The following WFS1 variants were observed in gnomAD, a reference collection of about 807,000 sequenced individuals.
The protein encoded by WFS1 is wolframin.
WFS1 carries 90 observed loss-of-function variants against 68.5 expected under a neutral mutation model. The observed-to-expected ratio is 1.31, with a 90% CI of 1.11 to 1.56. WFS1 has a LOEUF of 1.56. Ranked by LOEUF, WFS1 falls within the 40% of genes most tolerant of loss-of-function variation. The pLI, the probability that WFS1 is intolerant of heterozygous loss-of-function variation, is 0.00. For synonymous variants in WFS1, 860 were observed against 540.7 expected, an observed-to-expected ratio of 1.59 and a Z score of -8.19; for missense variants, 1,767 against 1,232.6, an observed-to-expected ratio of 1.43 and a Z score of -6.49.
chr4:6,293,223 AG>A (rs1012508828), intron 6 of WFS1, among the ~76,000 whole-genome samples: 1 of 152,138 alleles, frequency 6.6e-6, no homozygotes, highest in African/African-American at 2.4e-5. Context: ...CCAGTCCCAC[AG>A]GGGTTTGTGA....
intron 3 of WFS1, 45 bp from the exon 4 acceptor site, chr4:6,288,942 G>A: frequency 6.3e-7 from 1 of 1,596,364 alleles, no homozygotes; most frequent in Non-Finnish European, 8.5e-7. Flanking sequence ...CATGGGGTGG[G>A]AGAGGGTCGG....
Position 6,300,740 on chromosome 4 carries a change from G to A in WFS1, c.945G>A (p.Leu315=), listed in dbSNP as rs1439220003. Residue 315 remains leucine, a synonymous_variant, in exon 8 of 8, where the codon CTG becomes CTA. Coordinates refer to ENST00000226760, the MANE Select transcript of WFS1 (RefSeq NM_006005.3). The part of the protein sequence containing the change: ...DMASRAGMHW[L]STIIPTHHIN... Reference sequence around the variant, plus strand: ...CCTCCAGGGCAGGCATGCACTGGCTGTCCACCATCATCCCCACGCACCACA... The same window carrying A: ...CCTCCAGGGCAGGCATGCACTGGCTATCCACCATCATCCCCACGCACCACA... 2 of 1,614,088 alleles carry A rather than the reference G, an allele frequency of 1.2e-6. No individual in the cohort carries two copies. The highest frequency in any genetic ancestry group is 1.1e-5 in the South Asian group (1 of 91,078).
At chr4:6,288,879 C>T in intron 3 of WFS1, 108 bp from the exon 4 acceptor site, 1 of 1,517,350 alleles carries the variant, frequency 6.6e-7, no homozygotes, top group South Asian at 1.2e-5. Flanking sequence ...CCCCTTCCTT[C>T]CTGGCCTGGG....
chr4:6,295,491 G>A lies in WFS1; in HGVS notation c.861+302G>A, dbSNP rs115126832. The stretch of plus-strand genomic sequence containing the variant: ...TGTGCAGTGTAGGGGGCAGTGGGGC[G>A]GGCTGGACGCAGACTTTCATCTAGA... On this transcript the variant is annotated intron_variant, in intron 7 of 7. Coordinates refer to ENST00000226760, the MANE Select transcript of WFS1 (RefSeq NM_006005.3). 2.4e-3 allele frequency among the ~76,000 whole-genome samples: 367 copies of A among 152,296 alleles called. 3 individuals are homozygous for A. Among genetic ancestry groups the A allele is most frequent in the African/African-American group, 7.3e-3 (304 of 41,566 alleles).
Position 6,291,505 on chromosome 4 carries a change from CA to C in WFS1, c.631+139del, listed in dbSNP as rs756545960. On this transcript the variant is annotated intron_variant, in intron 5 of 7. Transcript: ENST00000226760. ...GGAGCCGGGACCTTCCCTGTGAGGA[CA>C]GGGCCCTTCCTTGTGGGGACCAGGG... 199 of 1,214,668 alleles carry C rather than the reference CA, an allele frequency of 1.6e-4. 1 individual carries two copies. The highest frequency in any genetic ancestry group is 2.2e-4 in the Non-Finnish European group (193 of 858,450). The allele number at this position is 1,214,668 out of a possible 1,614,324, so 75.2% of individuals were successfully genotyped here.
chr4:6,302,777 A>T lies in WFS1; in HGVS notation c.*309A>T. 1 of 492,920 alleles carries T rather than the reference A, an allele frequency of 2.0e-6. No individual in the cohort carries two copies. The highest frequency in any genetic ancestry group is 3.6e-6 in the Non-Finnish European group (1 of 276,134). 30.5% of individuals were successfully genotyped at this position (492,920 alleles called of 1,614,324 possible). A position where few individuals can be genotyped will look rare whatever the true frequency, so the allele number is the denominator to read the frequency against. On this transcript the variant is annotated 3_prime_UTR_variant, in exon 8 of 8. Coordinates refer to ENST00000226760, the MANE Select transcript of WFS1 (RefSeq NM_006005.3). ...GTTCCGGTGTCTGGAAAAGCACTTTACAGATGAGATTCCCTCTCCTCCCCC... is the reference window on the plus strand; with the variant it reads ...GTTCCGGTGTCTGGAAAAGCACTTTTCAGATGAGATTCCCTCTCCTCCCCC...
intron 7 of WFS1, among the ~76,000 whole-genome samples, chr4:6,299,220 C>T (rs899357488): frequency 6.6e-6 from 1 of 152,254 alleles, no homozygotes; most frequent in African/African-American, 2.4e-5. Flanking sequence ...AGGGCTGGCC[C>T]TGGGTGGCAG....
At chr4:6,288,925 C>T (rs1294849976) in intron 3 of WFS1, 62 bp from the exon 4 acceptor site, 2 of 1,580,716 alleles carry the variant, frequency 1.3e-6, no homozygotes, top group Non-Finnish European at 8.6e-7. Flanking sequence ...GGTGGGCTGG[C>T]AGGGAGCATG....
chr4:6,293,664 CT>C (rs992184788), intron 6 of WFS1, among the ~76,000 whole-genome samples: 1 of 152,224 alleles, frequency 6.6e-6, no homozygotes, highest in Non-Finnish European at 1.5e-5. Flanking sequence ...GCTGCTCCTT[CT>C]TGGGGTCCCT....
intron 1 of WFS1, among the ~76,000 whole-genome samples, chr4:6,270,666 T>C (rs1729810409): frequency 6.6e-6 from 1 of 152,260 alleles, no homozygotes; most frequent in Admixed American, 6.5e-5. Context: ...TCTGGATCAT[T>C]AGCTTTTTGT....
chr4:6,272,629 A>G (rs2109104754), intron 1 of WFS1, among the ~76,000 whole-genome samples: 1 of 152,328 alleles, frequency 6.6e-6, no homozygotes, highest in South Asian at 2.1e-4. Flanking sequence ...ATTTGCTTTA[A>G]TTTCAAAAAC....
chr4:6,278,883 G>A (rs1002661519), intron 2 of WFS1, among the ~76,000 whole-genome samples: 4 of 152,258 alleles, frequency 2.6e-5, no homozygotes, highest in African/African-American at 7.2e-5. Context: ...CAGATACCAG[G>A]GCTCGGAAGC....
In WFS1 at chr4:6,301,208, G is replaced by A; in HGVS notation, c.1413G>A (p.Leu471=). The A allele has an allele frequency of 1.2e-6, 2 of 1,612,074 alleles. No individual in the cohort carries two copies. The highest frequency in any genetic ancestry group is 1.7e-6 in the Non-Finnish European group (2 of 1,179,964). The change falls in exon 8 of 8, where the codon CTG becomes CTA. Residue 471 remains leucine (L), a synonymous_variant. Transcript: ENST00000226760. The part of the protein sequence containing the change: ...TEVTAGLLSL[L]PSMPLNWPYL... ...TCACCGCCGGCCTGCTATCGCTGCTGCCCTCCATGCCCTTGAATTGGCCCT... is the reference window on the plus strand; with the variant it reads ...TCACCGCCGGCCTGCTATCGCTGCTACCCTCCATGCCCTTGAATTGGCCCT...
At chr4:6,277,134 C>T (rs1455668187) in intron 1 of WFS1, among the ~76,000 whole-genome samples, 27 of 152,378 alleles carry the variant, frequency 1.8e-4, no homozygotes, top group Non-Finnish European at 3.1e-4. Flanking sequence ...TCATCATCCC[C>T]GTTTCTTGGA....
rs1560422540 is a variant in WFS1, at chr4:6,302,482, CGAGGAGCTTCCAGTGCATGTTGCCAT to C, written c.*19_*44del. 9.9e-6 allele frequency: 16 copies of C among 1,611,970 alleles called. No homozygotes were observed. Among genetic ancestry groups the C allele is most frequent in the South Asian group, 6.6e-5 (6 of 91,092 alleles). On this transcript the variant is annotated 3_prime_UTR_variant, in exon 8 of 8. Coordinates refer to ENST00000226760, the MANE Select transcript of WFS1 (RefSeq NM_006005.3). ...TCGGCGGCCTGAGGATGGTCCGCCA[CGAGGAGCTTCCAGTGCATGTTGCCAT>C]GAGGCCTTTCCCCAGTGTGGCCCCA...
At chr4:6,278,740 T>C (rs58630370) in intron 2 of WFS1, among the ~76,000 whole-genome samples, 16,611 of 152,302 alleles carry the variant, frequency 0.11, 1,231 homozygotes, top group African/African-American at 0.2. Context: ...GGAAACTCAC[T>C]GCAGCCCTGG....
At chr4:6,294,959 C>A in intron 6 of WFS1, 82 bp from the exon 7 acceptor site, 4 of 1,607,112 alleles carry the variant, frequency 2.5e-6, no homozygotes, top group Non-Finnish European at 3.4e-6. Flanking sequence ...CCCACGCCAC[C>A]GTCCCCAGCC....
At chr4:6,297,615 G>A (rs1036049987) in intron 7 of WFS1, among the ~76,000 whole-genome samples, 3 of 152,140 alleles carry the variant, frequency 2.0e-5, no homozygotes, top group African/African-American at 7.2e-5. Flanking sequence ...CTTCTTCACG[G>A]GTCCGCTGGG....
intron 1 of WFS1, among the ~76,000 whole-genome samples, chr4:6,274,835 GCGGT>G (rs1729947984): frequency 7.7e-5 from 2 of 26,112 alleles, no homozygotes; most frequent in Admixed American, 1.1e-3. Flanking sequence ...CAGTGGCATG[GCGGT>G]CTGATTTCAA....
Sources: allele counts gnomAD v4.1 joint callset (sites outside exome capture counted in the v4.1 genomes callset), GRCh38; gene constraint gnomAD v4.1.1; transcripts MANE v1.5; gene names NCBI Gene and HGNC (gene_info 2026-07-23, HGNC 2026-07-21).